The following ITGA11 variants were observed in gnomAD, a reference collection of about 807,000 sequenced individuals.
ITGA11 encodes the protein integrin alpha-11.
Under a neutral mutation model 141.9 loss-of-function variants are expected in ITGA11, and 97 were observed. That is an observed-to-expected ratio of 0.68 (90% CI 0.58 to 0.81). The LOEUF is 0.81. Among genes scored for constraint, ITGA11 ranks in the 30% least tolerant of loss-of-function variants. ITGA11 has a pLI of 0.00. For missense variants in ITGA11, 1,387 were observed against 1,559.2 expected (o/e 0.89, Z 1.86); for synonymous variants, 658 against 624.6 (o/e 1.05, Z -0.80).
intron 4 of ITGA11, among the ~76,000 whole-genome samples, chr15:68,362,175 G>A (rs576591474): frequency 3.9e-5 from 6 of 152,318 alleles, no homozygotes; most frequent in African/African-American, 1.4e-4. Context: ...TCATACTGGG[G>A]CAGGGGAAGA....
chr15:68,335,563 T>A lies in ITGA11; in HGVS notation c.1425+134A>T. 1 of 999,236 alleles carries A rather than the reference T, an allele frequency of 1.0e-6. No individual in the cohort carries two copies. The highest frequency in any genetic ancestry group is 2.1e-4 in the Middle Eastern group (1 of 4,800). 61.9% of individuals were successfully genotyped at this position (999,236 alleles called of 1,614,324 possible). ...CGCACTCCTGCCACTCCTGGCAGCA[T>A]GAAGGTGGCTGGAGGAACATGACTG... On this transcript the variant is annotated intron_variant, in intron 12 of 29. Transcript: ENST00000315757. The surrounding 1 kb of genome is among the most constrained non-coding windows in gnomAD (Gnocchi z 4.9).
chr15:68,343,066 A>G lies in ITGA11; in HGVS notation c.1132-3422T>C, dbSNP rs569356285. Among the ~76,000 whole-genome samples, 14 of 151,106 alleles carry G rather than the reference A, an allele frequency of 9.3e-5. No homozygotes were observed. In the South Asian group the frequency reaches 2.3e-3, roughly 25 times the overall value. ...GAACCTTGAGTTCCTCAGCTGTAAA[A>G]TAGTTCTGTTGTGAAAATCAGCATT... On this transcript the variant is annotated intron_variant, in intron 10 of 29. Transcript: ENST00000315757.
At chr15:68,313,087 G>A (rs561992176) in intron 23 of ITGA11, among the ~76,000 whole-genome samples, 7 of 152,332 alleles carry the variant, frequency 4.6e-5, no homozygotes, top group East Asian at 1.9e-4. Flanking sequence ...GTGGGTGGGC[G>A]TGAGTCAGAA....
intron 3 of ITGA11, among the ~76,000 whole-genome samples, chr15:68,368,225 G>A (rs961515148): frequency 2.6e-5 from 4 of 152,204 alleles, no homozygotes; most frequent in Admixed American, 2.0e-4. Context: ...ACTGCTCTGG[G>A]GTGGAGACCC....
intron 12 of ITGA11, among the ~76,000 whole-genome samples, chr15:68,334,536 G>A (rs1440642124): frequency 6.6e-6 from 1 of 152,022 alleles, no homozygotes; most frequent in Non-Finnish European, 1.5e-5. Flanking sequence ...TTTAACTGAG[G>A]AGAAGGATAA....
intron 2 of ITGA11, among the ~76,000 whole-genome samples, chr15:68,398,854 C>A (rs1253500475): frequency 6.8e-6 from 1 of 148,036 alleles, no homozygotes; most frequent in Non-Finnish European, 1.5e-5. Flanking sequence ...TTTATTAATG[C>A]AATAAGAGAT....
In ITGA11 at chr15:68,356,798, C is replaced by T. The variant is rs78009127; in HGVS notation, c.749+353G>A. Among the ~76,000 whole-genome samples the T allele has an allele frequency of 4.9e-3, 753 of 152,246 alleles. 34 individuals are homozygous for T. The East Asian group carries it at 0.11, about 22-fold the overall frequency. On this transcript the variant is annotated intron_variant, in intron 7 of 29. Coordinates refer to ENST00000315757, the MANE Select transcript of ITGA11 (RefSeq NM_001004439.2). Reference sequence around the variant, plus strand: ...CCTCTTGGGATGCTCACTCTTGGGACGCTGTCTCTAAAACTCCTGTTGCCA... The same window carrying T: ...CCTCTTGGGATGCTCACTCTTGGGATGCTGTCTCTAAAACTCCTGTTGCCA...
rs537014512 is a variant in ITGA11 at position 68,423,505 on chromosome 15, G to A, written c.52+8510C>T. Among the ~76,000 whole-genome samples, 5 of 152,288 alleles carry A rather than the reference G, an allele frequency of 3.3e-5. No individual in the cohort carries two copies. The South Asian group carries it at 1.0e-3, about 32-fold the overall frequency. On this transcript the variant is annotated intron_variant, in intron 1 of 29. Coordinates refer to ENST00000315757, the MANE Select transcript of ITGA11 (RefSeq NM_001004439.2). Reference sequence around the variant, plus strand: ...TTGGGGCTGCTGTTGGCGTGTGCAGGTGCCCAAACGTATGGCTCTGTTAGA... The same window carrying A: ...TTGGGGCTGCTGTTGGCGTGTGCAGATGCCCAAACGTATGGCTCTGTTAGA...
chr15:68,370,390 A>G (rs957790344), intron 2 of ITGA11, among the ~76,000 whole-genome samples: 1 of 152,104 alleles, frequency 6.6e-6, no homozygotes, highest in African/African-American at 2.4e-5. Context: ...GGAGAGTTCT[A>G]CCTCAGACTG....
In ITGA11 at chr15:68,326,951, G is replaced by A. The variant is rs1401650480; in HGVS notation, c.2069-155C>T. Among the ~76,000 whole-genome samples, 3 of 152,094 alleles carry A rather than the reference G, an allele frequency of 2.0e-5. No homozygotes were observed. The highest frequency in any genetic ancestry group is 7.2e-5 in the African/African-American group (3 of 41,410). On this transcript the variant is annotated intron_variant, in intron 16 of 29. Coordinates refer to ENST00000315757, the MANE Select transcript of ITGA11 (RefSeq NM_001004439.2). The surrounding 1 kb of genome is among the most constrained non-coding windows in gnomAD (Gnocchi z 6.8). ...TGGGTGAGAAACTCCCACATGGAGAGCAAGTGATTGCATGAGGAAGGTAAA... is the reference window on the plus strand; with the variant it reads ...TGGGTGAGAAACTCCCACATGGAGAACAAGTGATTGCATGAGGAAGGTAAA...
At chr15:68,395,893 G>C in intron 2 of ITGA11, among the ~76,000 whole-genome samples, 1 of 150,568 alleles carries the variant, frequency 6.6e-6, no homozygotes, top group East Asian at 2.0e-4. Context: ...TAAAAAAGAA[G>C]TTGAATCTAT....
chr15:68,319,942 T>A (rs1893736617), intron 20 of ITGA11, among the ~76,000 whole-genome samples: 1 of 152,262 alleles, frequency 6.6e-6, no homozygotes, highest in Admixed American at 6.5e-5. Context: ...TGTGATTTTT[T>A]TTTTTATTTA....
chr15:68,339,356 GGATGCTCTTCAGA>G, intron 11 of ITGA11, 131 bp downstream of exon 11: 1 of 882,418 alleles, frequency 1.1e-6, no homozygotes, highest in Non-Finnish European at 1.7e-6. Flanking sequence ...ATGCCCCCGG[GGATGCTCTTCAGA>G]GTTGGGTGCT....
At chr15:68,421,825 A>G (rs888313282) in intron 1 of ITGA11, among the ~76,000 whole-genome samples, 1 of 152,130 alleles carries the variant, frequency 6.6e-6, no homozygotes, top group Admixed American at 6.5e-5. Flanking sequence ...TGTTTATTAA[A>G]ATTTTTTTAG....
intron 14 of ITGA11, 40 bp from the exon 15 acceptor site, chr15:68,331,151 G>C: frequency 1.3e-6 from 2 of 1,541,336 alleles, no homozygotes; most frequent in Non-Finnish European, 1.8e-6. Flanking sequence ...CATGCACACT[G>C]TGAGTGTGGG....
chr15:68,307,511 C>A lies in ITGA11; in HGVS notation c.3286-68G>T. 6.6e-7 allele frequency: 1 copy of A among 1,514,910 alleles called. No individual in the cohort carries two copies. 93.8% of individuals were successfully genotyped at this position (1,514,910 alleles called of 1,614,324 possible). ...TTCTTCCCGTCCCCTCCCCAGGCAG[C>A]CCCAGGTGGAAGACATCCCAACAGC... On this transcript the variant is annotated intron_variant, in intron 27 of 29. Transcript: ENST00000315757. This position sits in a 1 kb window ranked among gnomAD's most constrained non-coding sequence, Gnocchi z 6.1.
intron 23 of ITGA11, among the ~76,000 whole-genome samples, chr15:68,313,213 C>T (rs184973140): frequency 5.3e-4 from 80 of 152,126 alleles, no homozygotes; most frequent in African/African-American, 1.9e-3. Flanking sequence ...CGTGGGAGGG[C>T]CTGAGCTTCC....
intron 4 of ITGA11, among the ~76,000 whole-genome samples, chr15:68,364,506 G>A (rs984755035): frequency 6.6e-6 from 1 of 152,220 alleles, no homozygotes; most frequent in Admixed American, 6.5e-5. Flanking sequence ...AACACCCAGG[G>A]CCCTGCCACC....
intron 5 of ITGA11, among the ~76,000 whole-genome samples, chr15:68,360,011 G>A (rs1264711477): frequency 6.6e-6 from 1 of 152,134 alleles, no homozygotes; most frequent in Non-Finnish European, 1.5e-5. Flanking sequence ...GTGGCTTTGA[G>A]TTGGGACGCC....
Sources: gnomAD v4.1 joint callset for allele counts (sites outside exome capture counted in the v4.1 genomes callset) on GRCh38, gnomAD v4.1.1 for gene constraint, Gnocchi (gnomAD v3.1) non-coding constraint, MANE v1.5 for transcripts, NCBI Gene and HGNC (gene_info 2026-07-23, HGNC 2026-07-21) for gene names.